PCSK4: variants seen among roughly 807,000 people sequenced by gnomAD.
PCSK4 encodes proprotein convertase subtilisin/kexin type 4.
PCSK4 carries 64 observed loss-of-function variants against 80.3 expected under a neutral mutation model. That is an observed-to-expected ratio of 0.80 (90% confidence interval 0.65 to 0.98). The LOEUF (loss-of-function observed/expected upper bound fraction) is 0.98, where lower values mean the gene tolerates loss of function less well. PCSK4 is among the 50% of genes least tolerant of loss of function. PCSK4 has a pLI of 0.00. For synonymous variants in PCSK4, 561 were observed against 487.6 expected, an observed-to-expected ratio of 1.15 and a Z score of -1.98; for missense variants, 1,213 against 1,093.6, an observed-to-expected ratio of 1.11 and a Z score of -1.54.
intron 8 of PCSK4, among the ~76,000 whole-genome samples, chr19:1,486,647 T>C (rs1700130129): frequency 6.6e-6 from 1 of 151,804 alleles, no homozygotes; most frequent in African/African-American, 2.4e-5. Flanking sequence ...TTAGCCAGGA[T>C]GGTCTTGATC....
At chr19:1,481,696 G>A (rs2084300803) in exon 15 of PCSK4, 1 of 1,184,430 alleles carries the variant, frequency 8.4e-7, no homozygotes, top group South Asian at 1.7e-5. Context: ...TGGGGAGGCA[G>A]CATGGCAGCA....
Position 1,481,750 on chromosome 19 carries a change from C to G in PCSK4, c.*9G>C, listed in dbSNP as rs202135990. The G allele has an allele frequency of 1.1e-3, 1,718 of 1,501,670 alleles. 1 individual carries two copies. Among genetic ancestry groups the G allele is most frequent in the East Asian group, 7.0e-3 (304 of 43,454 alleles). The allele number at this position is 1,501,670 out of a possible 1,614,324, so 93.0% of individuals were successfully genotyped here. Reference sequence around the variant, plus strand: ...GGCGGGGGCAAGGTCGCTTTCTGAGCTGACAACTTCAGGTTCCAGCTGGCA... The same window carrying G: ...GGCGGGGGCAAGGTCGCTTTCTGAGGTGACAACTTCAGGTTCCAGCTGGCA... On this transcript the variant is annotated 3_prime_UTR_variant, in exon 15 of 15. Coordinates refer to ENST00000300954, the Ensembl canonical transcript of PCSK4.
At chr19:1,487,648 T>A in exon 6 of PCSK4, 1 of 1,555,160 alleles carries the variant, frequency 6.4e-7, no homozygotes, top group Non-Finnish European at 8.7e-7. Flanking sequence ...CAGAAGCCAT[T>A]GTTGGCCATC....
At chr19:1,490,128 C>T (rs1409681296) in intron 1 of PCSK4, 30 bp downstream of exon 1, 7 of 1,611,976 alleles carry the variant, frequency 4.3e-6, no homozygotes, top group South Asian at 1.1e-5. Flanking sequence ...CTCCAAGCCC[C>T]CACTTCCCGT....
chr19:1,488,383 G>A, intron 2 of PCSK4, 103 bp from the exon 3 acceptor site: 1 of 847,642 alleles, frequency 1.2e-6, no homozygotes, highest in Admixed American at 2.1e-5. Flanking sequence ...CTGTGTTTGT[G>A]GGGGTTGCTC....
exon 12 of PCSK4, chr19:1,483,424 C>A: frequency 6.3e-7 from 1 of 1,600,000 alleles, no homozygotes; most frequent in Non-Finnish European, 8.5e-7. Context: ...CGGCGCAGGC[C>A]GATACGTTTT....
chr19:1,483,641 G>A lies in PCSK4; in HGVS notation c.1391+9C>T, dbSNP rs1055147213. 1.3e-6 allele frequency: 2 copies of A among 1,574,094 alleles called. No individual in the cohort carries two copies. Among genetic ancestry groups the A allele is most frequent in the Non-Finnish European group, 1.7e-6 (2 of 1,163,644 alleles). ...GCGGGGATAGCGGAGGGGCGCGCAG[G>A]GGTCTCACGTGGGGCGGCTCTGGAC... On this transcript the variant is annotated intron_variant, in intron 11 of 14. Transcript: ENST00000300954.
At chr19:1,482,073 A>G in exon 15 of PCSK4, 1 of 1,554,000 alleles carries the variant, frequency 6.4e-7, no homozygotes, top group Non-Finnish European at 8.7e-7. Flanking sequence ...GAGGCATGGC[A>G]GCTGGAGCAG....
At chr19:1,486,147 T>G (rs1362490111) in intron 8 of PCSK4, among the ~76,000 whole-genome samples, 1 of 150,296 alleles carries the variant, frequency 6.7e-6, no homozygotes, top group East Asian at 2.0e-4. Context: ...TAATTTTTTT[T>G]TGTATTTTTA....
Position 1,486,532 on chromosome 19 carries a change from G to A in PCSK4, c.1068+321C>T, listed in dbSNP as rs534162408. 2.6e-5 allele frequency among the ~76,000 whole-genome samples: 4 copies of A among 151,738 alleles called. No homozygotes were observed. In the East Asian group the frequency reaches 7.8e-4, roughly 29 times the overall value. Reference sequence around the variant, plus strand: ...AGGATGGTCTCGATCTCCCGACCTCGTGATCCACCCGCCTCGGCCTCCCAA... The same window carrying A: ...AGGATGGTCTCGATCTCCCGACCTCATGATCCACCCGCCTCGGCCTCCCAA... On this transcript the variant is annotated intron_variant, in intron 8 of 14. Coordinates refer to ENST00000300954, the Ensembl canonical transcript of PCSK4.
chr19:1,485,497 G>A (rs998852500), intron 8 of PCSK4, among the ~76,000 whole-genome samples: 4 of 152,098 alleles, frequency 2.6e-5, no homozygotes, highest in Admixed American at 6.6e-5. Flanking sequence ...CCCGGCAGGC[G>A]TAGGTTGCAG....
At chr19:1,485,401 A>C (rs2084549858) in intron 8 of PCSK4, among the ~76,000 whole-genome samples, 1 of 151,832 alleles carries the variant, frequency 6.6e-6, no homozygotes. Context: ...CCATCTCTAC[A>C]AAATATACAA....
intron 3 of PCSK4, 32 bp downstream of exon 3, chr19:1,488,156 T>G (rs1246355052): frequency 1.2e-6 from 2 of 1,613,056 alleles, no homozygotes; most frequent in African/African-American, 1.3e-5. Context: ...AGCGGCCCCG[T>G]CCCCGTCTAC....
At chr19:1,488,700 C>T (rs191188695) in intron 2 of PCSK4, among the ~76,000 whole-genome samples, 52 of 152,250 alleles carry the variant, frequency 3.4e-4, no homozygotes, top group African/African-American at 1.2e-3. Flanking sequence ...CCTACCTCAG[C>T]CTCCCAAGTA....
Position 1,487,330 on chromosome 19 carries a change from G to A in PCSK4, c.683-17C>T. 1.3e-6 allele frequency: 2 copies of A among 1,568,056 alleles called. No homozygotes were observed. The highest frequency in any genetic ancestry group is 1.7e-6 in the Non-Finnish European group (2 of 1,160,116). The stretch of plus-strand genomic sequence containing the variant: ...TCCGTACGCCTGCAGAGCCAGGGCG[G>A]GAGGGCCGCTGCCACCGGCCCTGCC... On this transcript the variant is annotated splice_polypyrimidine_tract_variant and intron_variant, in intron 6 of 14. Coordinates refer to ENST00000300954, the Ensembl canonical transcript of PCSK4.
chr19:1,482,624 C>T, intron 13 of PCSK4, 149 bp from the exon 14 acceptor site: 1 of 1,002,140 alleles, frequency 1.0e-6, no homozygotes, highest in East Asian at 2.6e-5. Context: ...TACTGTGCGC[C>T]TGTCACTGGA....
chr19:1,488,468 G>T (rs139370505), intron 2 of PCSK4, among the ~76,000 whole-genome samples, 188 bp from the exon 3 acceptor site: 6,397 of 152,166 alleles, frequency 0.042, 171 homozygotes, highest in Middle Eastern at 0.11. Context: ...CTGTCCTTGG[G>T]CCCACAGACG....
At chr19:1,483,399 T>C in exon 12 of PCSK4, 1 of 1,603,140 alleles carries the variant, frequency 6.2e-7, no homozygotes, top group Non-Finnish European at 8.5e-7. Context: ...AGCGAGCGGA[T>C]GGAGTTGTGG....
intron 13 of PCSK4, 153 bp downstream of exon 13, chr19:1,482,743 C>G (rs1199833651): frequency 7.1e-6 from 6 of 847,188 alleles, no homozygotes; most frequent in Non-Finnish European, 1.8e-6. Flanking sequence ...CACACCATCT[C>G]CCGGGTGACT....
Sources: gnomAD v4.1 joint callset for allele counts (sites outside exome capture counted in the v4.1 genomes callset) on GRCh38, gnomAD v4.1.1 for gene constraint, MANE v1.5 for transcripts, NCBI Gene and HGNC (gene_info 2026-07-23, HGNC 2026-07-21) for gene names.